ITGAV: variants seen among roughly 807,000 people sequenced by gnomAD.
ITGAV encodes integrin subunit alpha V.
ITGAV carries 76 observed loss-of-function variants against 143.8 expected under a neutral mutation model. The ratio of observed to expected loss-of-function variants is 0.53; its 90% CI spans 0.44 to 0.64. The LOEUF (loss-of-function observed/expected upper bound fraction) is 0.64, where lower values mean the gene tolerates loss of function less well. Among genes scored for constraint, ITGAV ranks in the 30% least tolerant of loss-of-function variants. ITGAV has a pLI of 0.00. For synonymous variants in ITGAV, 453 were observed against 446.7 expected (o/e 1.01, Z -0.18); for missense variants, 1,193 against 1,274.7 (o/e 0.94, Z 0.98).
At chr2:186,673,990 T>C (rs978423998) in intron 26 of ITGAV, among the ~76,000 whole-genome samples, 2 of 152,218 alleles carry the variant, frequency 1.3e-5, no homozygotes, top group African/African-American at 4.8e-5. Flanking sequence ...TTTTATTTTG[T>C]AGAGACAGGG....
chr2:186,612,794 C>T (rs955457746), intron 2 of ITGAV, among the ~76,000 whole-genome samples: 5 of 152,092 alleles, frequency 3.3e-5, no homozygotes, highest in Non-Finnish European at 5.9e-5. Context: ...GTCTAGGTAT[C>T]TCTACAGTTG....
At chr2:186,598,041 T>G (rs150152769) in intron 1 of ITGAV, among the ~76,000 whole-genome samples, 1 of 152,212 alleles carries the variant, frequency 6.6e-6, no homozygotes, top group African/African-American at 2.4e-5. Context: ...TGGTATGATC[T>G]ACAACACTAA....
chr2:186,648,477 T>C (rs1185793977), intron 13 of ITGAV, among the ~76,000 whole-genome samples: 1 of 152,222 alleles, frequency 6.6e-6, no homozygotes, highest in East Asian at 1.9e-4. Flanking sequence ...TTTGATTCTT[T>C]TTTTTGAGAT....
At chr2:186,665,810 C>G (rs932491902) in intron 21 of ITGAV, among the ~76,000 whole-genome samples, 2 of 152,200 alleles carry the variant, frequency 1.3e-5, no homozygotes, top group African/African-American at 4.8e-5. Context: ...TATTTAATGA[C>G]TTATTGATAC....
At chr2:186,660,097 C>G (rs1342666338) in intron 18 of ITGAV, among the ~76,000 whole-genome samples, 1 of 151,996 alleles carries the variant, frequency 6.6e-6, no homozygotes, top group African/African-American at 2.4e-5. Flanking sequence ...TTAATTGTTA[C>G]TTGTCACTTT....
At chr2:186,669,917 C>A in intron 26 of ITGAV, 103 bp downstream of exon 26, 1 of 756,210 alleles carries the variant, frequency 1.3e-6, no homozygotes, top group Non-Finnish European at 2.3e-6. Flanking sequence ...TGTGCTTGAA[C>A]AACTACATTT....
In ITGAV at chr2:186,590,305, G is replaced by T; in HGVS notation, c.-34G>T. 6.6e-7 allele frequency: 1 copy of T among 1,511,994 alleles called. No homozygotes were observed. Among genetic ancestry groups the T allele is most frequent in the Non-Finnish European group, 8.8e-7 (1 of 1,132,598 alleles). 93.7% of individuals were successfully genotyped at this position (1,511,994 alleles called of 1,614,324 possible). Reference sequence around the variant, plus strand: ...GCTGGGGCGGGGGGAGGTGGCTACCGCTCCCGGCTTGGCGTCCCGCGCGCA... The same window carrying T: ...GCTGGGGCGGGGGGAGGTGGCTACCTCTCCCGGCTTGGCGTCCCGCGCGCA... On this transcript the variant is annotated 5_prime_UTR_variant, in exon 1 of 30. Coordinates refer to ENST00000261023, the MANE Select transcript of ITGAV (RefSeq NM_002210.5).
chr2:186,652,460 A>G (rs1688462975), intron 15 of ITGAV, among the ~76,000 whole-genome samples: 1 of 151,644 alleles, frequency 6.6e-6, no homozygotes, highest in African/African-American at 2.4e-5. Flanking sequence ...CTAAAGTGCT[A>G]GGATTTACAG....
intron 2 of ITGAV, among the ~76,000 whole-genome samples, chr2:186,614,350 A>C (rs1315894423): frequency 1.3e-5 from 2 of 151,998 alleles, no homozygotes; most frequent in East Asian, 3.8e-4. Flanking sequence ...AAATACATAA[A>C]GTTATAATTT....
At chr2:186,625,902 A>T (rs1302183005) in intron 4 of ITGAV, among the ~76,000 whole-genome samples, 1 of 152,138 alleles carries the variant, frequency 6.6e-6, no homozygotes, top group Non-Finnish European at 1.5e-5. Flanking sequence ...ACTTCTCTTA[A>T]CAGAGAAGAT....
chr2:186,636,919 A>C, intron 7 of ITGAV, 146 bp from the exon 8 acceptor site: 1 of 611,502 alleles, frequency 1.6e-6, no homozygotes, highest in Non-Finnish European at 3.0e-6. Flanking sequence ...TATGTCATAT[A>C]TATATGAATC....
rs1316002011 is a variant in ITGAV, at chr2:186,680,113, A to G, written c.*2821A>G. 1 of 152,120 alleles carries G rather than the reference A, an allele frequency of 6.6e-6. No individual in the cohort carries two copies. Among genetic ancestry groups the G allele is most frequent in the Non-Finnish European group, 1.5e-5 (1 of 67,970 alleles). 9.4% of individuals were successfully genotyped at this position (152,120 alleles called of 1,614,324 possible). ...TCTTCCTAAGTTGCAAAATGTAATG[A>G]TGAGCTTGGTGGAGAAGAATGAGTC... On this transcript the variant is annotated 3_prime_UTR_variant, in exon 30 of 30. Coordinates refer to ENST00000261023, the MANE Select transcript of ITGAV (RefSeq NM_002210.5).
intron 2 of ITGAV, among the ~76,000 whole-genome samples, chr2:186,617,054 A>T (rs1687386314): frequency 1.3e-5 from 2 of 151,582 alleles, no homozygotes; most frequent in African/African-American, 4.8e-5. Context: ...TTTTTAGCAA[A>T]AAGTAAGTTA....
intron 5 of ITGAV, among the ~76,000 whole-genome samples, chr2:186,632,577 T>C (rs1687842492): frequency 6.6e-6 from 1 of 152,156 alleles, no homozygotes; most frequent in Admixed American, 6.5e-5. Context: ...CACTTTTAGA[T>C]AGTTAAATAT....
In ITGAV at chr2:186,625,566, G is replaced by A; in HGVS notation, c.502G>A (p.Glu168Lys). Residue 168 changes from glutamate to lysine, a missense_variant, in exon 4 of 30, where the codon GAG becomes AAG. Glu to Lys is a moderately conservative substitution (Grantham distance 56). Coordinates refer to ENST00000261023, the MANE Select transcript of ITGAV (RefSeq NM_002210.5). ...CFLQDGTKTV[E>K]YAPCRSQDID... Reference sequence around the variant, plus strand: ...TCTTCAAGATGGAACAAAGACTGTTGAGTATGCTCCATGTAGATCACGTAT... The same window carrying A: ...TCTTCAAGATGGAACAAAGACTGTTAAGTATGCTCCATGTAGATCACGTAT... 1 of 1,612,766 alleles carries A rather than the reference G, an allele frequency of 6.2e-7. No homozygotes were observed. The highest frequency in any genetic ancestry group is 8.5e-7 in the Non-Finnish European group (1 of 1,179,002).
intron 14 of ITGAV, among the ~76,000 whole-genome samples, chr2:186,650,214 T>G (rs893075999): frequency 3.3e-5 from 5 of 152,208 alleles, no homozygotes; most frequent in African/African-American, 1.2e-4. Flanking sequence ...CTCTTCTAGT[T>G]ATTTTGATCT....
At chr2:186,631,425 T>A (rs535561232) in intron 5 of ITGAV, among the ~76,000 whole-genome samples, 6 of 152,292 alleles carry the variant, frequency 3.9e-5, no homozygotes, top group African/African-American at 1.4e-4. Flanking sequence ...TTAATCTATT[T>A]TTTGAAAATA....
chr2:186,638,559 A>G (rs983029945), intron 10 of ITGAV, 94 bp downstream of exon 10: 15 of 862,700 alleles, frequency 1.7e-5, no homozygotes, highest in African/African-American at 1.7e-5. Flanking sequence ...AAAATGAACT[A>G]TAATCTCATC....
chr2:186,596,815 T>C (rs61763616), intron 1 of ITGAV, among the ~76,000 whole-genome samples: 2,938 of 152,304 alleles, frequency 0.019, 46 homozygotes, highest in Admixed American at 0.031. Flanking sequence ...CTTTAACATA[T>C]GTCTAAGGTC....
Sources: gnomAD v4.1 joint callset for allele counts (sites outside exome capture counted in the v4.1 genomes callset) on GRCh38, gnomAD v4.1.1 for gene constraint, MANE v1.5 for transcripts, NCBI Gene and HGNC (gene_info 2026-07-23, HGNC 2026-07-21) for gene names.